Variants in ZNF804B observed in about 807,000 individuals in gnomAD.
ZNF804B encodes the protein zinc finger 804B.
ZNF804B carries 80 observed loss-of-function variants against 101.4 expected under a neutral mutation model. The ratio of observed to expected loss-of-function variants is 0.79; its 90% CI spans 0.66 to 0.95. ZNF804B has a LOEUF of 0.95. ZNF804B is among the 40% of genes least tolerant of loss of function. The probability of loss-of-function intolerance (pLI) is 0.00; values close to 1 mark genes in which losing one functional copy is unlikely to be tolerated. For missense variants in ZNF804B, 1,673 were observed against 1,561.9 expected, an observed-to-expected ratio of 1.07 and a Z score of -1.20; for synonymous variants, 622 against 558.8, an observed-to-expected ratio of 1.11 and a Z score of -1.59.
At chr7:89,209,393 G>A (rs1218133865) in intron 1 of ZNF804B, among the ~76,000 whole-genome samples, 1 of 152,182 alleles carries the variant, frequency 6.6e-6, no homozygotes, top group African/African-American at 2.4e-5. Flanking sequence ...TTTTGTTTAT[G>A]TCTCATTCCA....
At chr7:89,235,502 C>G (rs1252881461) in intron 2 of ZNF804B, among the ~76,000 whole-genome samples, 1 of 152,062 alleles carries the variant, frequency 6.6e-6, no homozygotes, top group Non-Finnish European at 1.5e-5. Context: ...GTTTCAAACA[C>G]AATTAAGGAA....
intron 1 of ZNF804B, among the ~76,000 whole-genome samples, chr7:88,762,574 A>G (rs1287507382): frequency 1.3e-5 from 2 of 152,212 alleles, no homozygotes; most frequent in Non-Finnish European, 2.9e-5. Flanking sequence ...ATTCAGCAAT[A>G]CACATTCCCC....
In ZNF804B at chr7:89,336,653, G is replaced by A; in HGVS notation, c.3671G>A (p.Ser1224Asn). 6.2e-7 allele frequency: 1 copy of A among 1,614,016 alleles called. No homozygotes were observed. The highest frequency in any genetic ancestry group is 8.5e-7 in the Non-Finnish European group (1 of 1,179,996). The change falls in exon 4 of 4, where the codon AGT (serine) becomes AAT (asparagine). Residue 1224 changes from serine to asparagine, a missense_variant. Transcript: ENST00000333190. ...LQHFAVSASLSSHSSHLPIAH... is the reference protein window; with the variant it reads ...LQHFAVSASLNSHSSHLPIAH... ...CATTTTGCTGTTTCTGCTTCCTTAAGTTCTCATAGCAGTCACCTCCCTATT... is the reference window on the plus strand; with the variant it reads ...CATTTTGCTGTTTCTGCTTCCTTAAATTCTCATAGCAGTCACCTCCCTATT...
intron 1 of ZNF804B, among the ~76,000 whole-genome samples, chr7:88,880,563 C>G (rs1460118990): frequency 2.0e-5 from 3 of 151,834 alleles, no homozygotes; most frequent in Admixed American, 2.0e-4. Flanking sequence ...ATAAAAATTG[C>G]TTTGTTGTCT....
chr7:89,216,503 C>T lies in ZNF804B; in HGVS notation c.109-1652C>T, dbSNP rs182236708. On this transcript the variant is annotated intron_variant, in intron 1 of 3. Transcript: ENST00000333190. Reference sequence around the variant, plus strand: ...TTTGACCTTGAAATCAGTCTCCATTCTCATTACTGGCTACAGCCTGTCCAC... The same window carrying T: ...TTTGACCTTGAAATCAGTCTCCATTTTCATTACTGGCTACAGCCTGTCCAC... Among the ~76,000 whole-genome samples, 4 of 152,302 alleles carry T rather than the reference C, an allele frequency of 2.6e-5. No individual in the cohort carries two copies. The East Asian group carries it at 7.7e-4, about 29-fold the overall frequency.
At chr7:88,767,210 A>G (rs1335795948) in intron 1 of ZNF804B, among the ~76,000 whole-genome samples, 2 of 152,148 alleles carry the variant, frequency 1.3e-5, no homozygotes, top group East Asian at 1.9e-4. Context: ...ACCCAACCTT[A>G]CAAGTTTCTC....
At chr7:88,868,060 T>A (rs1791761355) in intron 1 of ZNF804B, among the ~76,000 whole-genome samples, 1 of 151,124 alleles carries the variant, frequency 6.6e-6, no homozygotes. Context: ...TGTGTGTGTG[T>A]GTGTGTGTGT....
chr7:89,250,191 A>C (rs1478298570), intron 2 of ZNF804B, among the ~76,000 whole-genome samples: 1 of 151,596 alleles, frequency 6.6e-6, no homozygotes, highest in Non-Finnish European at 1.5e-5. Flanking sequence ...TGTTTCATTA[A>C]AAAAAAATAT....
At chr7:88,808,805 G>C (rs1769777997) in intron 1 of ZNF804B, among the ~76,000 whole-genome samples, 1 of 152,172 alleles carries the variant, frequency 6.6e-6, no homozygotes, top group Non-Finnish European at 1.5e-5. Flanking sequence ...AATTAGGTAA[G>C]GCTATGTGGC....
chr7:88,805,589 GAACAT>G (rs1326060640), intron 1 of ZNF804B, among the ~76,000 whole-genome samples: 1 of 152,122 alleles, frequency 6.6e-6, no homozygotes, highest in Non-Finnish European at 1.5e-5. Context: ...TAATATATGT[GAACAT>G]AAGGTACGAT....
chr7:88,806,553 T>G (rs545762689), intron 1 of ZNF804B, among the ~76,000 whole-genome samples: 1 of 152,226 alleles, frequency 6.6e-6, no homozygotes, highest in African/African-American at 2.4e-5. Flanking sequence ...ATCTCTCATC[T>G]GCTTCTCAAA....
At chr7:88,857,422 A>G (rs1235031365) in intron 1 of ZNF804B, among the ~76,000 whole-genome samples, 1 of 152,218 alleles carries the variant, frequency 6.6e-6, no homozygotes, top group Non-Finnish European at 1.5e-5. Context: ...AAAAAATGAT[A>G]AAGGGGATAT....
intron 1 of ZNF804B, among the ~76,000 whole-genome samples, chr7:88,844,716 C>T (rs1301009053): frequency 6.6e-6 from 1 of 152,136 alleles, no homozygotes; most frequent in African/African-American, 2.4e-5. Flanking sequence ...CCTTCCCCGT[C>T]TGAATCTTGC....
At chr7:88,832,085 C>A (rs1791142469) in intron 1 of ZNF804B, among the ~76,000 whole-genome samples, 1 of 151,284 alleles carries the variant, frequency 6.6e-6, no homozygotes, top group South Asian at 2.1e-4. Flanking sequence ...AGGGGGAGCT[C>A]TGTGTTTCCC....
chr7:88,894,728 T>A (rs1792262296), intron 1 of ZNF804B, among the ~76,000 whole-genome samples: 1 of 152,168 alleles, frequency 6.6e-6, no homozygotes. Flanking sequence ...ACTTAAATGC[T>A]ATTGCTACAG....
intron 1 of ZNF804B, among the ~76,000 whole-genome samples, chr7:88,840,437 G>T (rs377527722): frequency 1.3e-5 from 2 of 152,004 alleles, no homozygotes; most frequent in Admixed American, 6.6e-5. Context: ...TGCAACAATT[G>T]TCTGTAAAAT....
At chr7:89,014,622 CT>C (rs1788514345) in intron 1 of ZNF804B, among the ~76,000 whole-genome samples, 1 of 152,122 alleles carries the variant, frequency 6.6e-6, no homozygotes, top group Admixed American at 6.6e-5. Context: ...AGCGATTGAA[CT>C]TTTGAAAAAT....
chr7:88,792,211 G>T (rs932773080), intron 1 of ZNF804B, among the ~76,000 whole-genome samples: 2 of 152,028 alleles, frequency 1.3e-5, no homozygotes, highest in African/African-American at 4.8e-5. Context: ...CTGCATTCAA[G>T]GGGAGAGAGT....
At chr7:89,148,200 AT>A (rs1347874675) in intron 1 of ZNF804B, among the ~76,000 whole-genome samples, 1 of 152,130 alleles carries the variant, frequency 6.6e-6, no homozygotes, top group African/African-American at 2.4e-5. Context: ...TGCACAAGGT[AT>A]ATAATATCTA....
Sources: gnomAD v4.1 joint callset for allele counts (sites outside exome capture counted in the v4.1 genomes callset) on GRCh38, gnomAD v4.1.1 for gene constraint, MANE v1.5 for transcripts, NCBI Gene and HGNC (gene_info 2026-07-23, HGNC 2026-07-21) for gene names.